TBC1D12: variants seen among roughly 807,000 people sequenced by gnomAD.
The protein encoded by TBC1D12 is TBC1 domain family member 12.
In TBC1D12, 56 loss-of-function variants were observed where a neutral mutation model predicts 86.7. The ratio of observed to expected loss-of-function variants is 0.65; its 90% CI spans 0.52 to 0.81. TBC1D12 has a LOEUF of 0.81. Ranked by LOEUF, TBC1D12 falls within the 30% of genes least tolerant of loss-of-function variation. TBC1D12 has a pLI of 0.00. For synonymous variants in TBC1D12, 421 were observed against 411.7 expected, an observed-to-expected ratio of 1.02 and a Z score of -0.27; for missense variants, 1,023 against 1,038.8, an observed-to-expected ratio of 0.98 and a Z score of 0.21.
At chr10:94,482,526 C>T (rs1046130992) in intron 3 of TBC1D12, among the ~76,000 whole-genome samples, 4 of 151,754 alleles carry the variant, frequency 2.6e-5, no homozygotes, top group Admixed American at 2.0e-4. Flanking sequence ...TCATGGCTTA[C>T]TGCGATCTCT....
intron 5 of TBC1D12, 39 bp downstream of exon 5, chr10:94,497,211 C>T (rs755139466): frequency 1.3e-4 from 151 of 1,199,118 alleles, no homozygotes; most frequent in Non-Finnish European, 1.6e-4. Flanking sequence ...CATTTGTCTC[C>T]GAAGATCTCA....
intron 3 of TBC1D12, among the ~76,000 whole-genome samples, chr10:94,486,026 C>T (rs2056155238): frequency 6.6e-6 from 1 of 150,802 alleles, no homozygotes; most frequent in Non-Finnish European, 1.5e-5. Context: ...CTAAAGGTTT[C>T]TCAATTTTGT....
intron 9 of TBC1D12, among the ~76,000 whole-genome samples, chr10:94,512,165 G>C (rs983639585): frequency 6.6e-6 from 1 of 152,030 alleles, no homozygotes; most frequent in Non-Finnish European, 1.5e-5. Context: ...CTGATTATTG[G>C]CTTCCTCCTC....
At chr10:94,481,084 A>G (rs535308790) in intron 3 of TBC1D12, among the ~76,000 whole-genome samples, 19 of 150,146 alleles carry the variant, frequency 1.3e-4, no homozygotes, top group Admixed American at 5.3e-4. Context: ...GGACTCATCA[A>G]TAGTCTTAAA....
intron 10 of TBC1D12, 44 bp downstream of exon 10, chr10:94,522,127 C>T (rs753298929): frequency 4.4e-6 from 7 of 1,589,048 alleles, no homozygotes; most frequent in Non-Finnish European, 6.0e-6. Context: ...AGTTTGAATG[C>T]CCTCTTAGAG....
intron 2 of TBC1D12, among the ~76,000 whole-genome samples, chr10:94,469,149 T>G (rs571625013): frequency 6.6e-6 from 1 of 152,318 alleles, no homozygotes; most frequent in East Asian, 1.9e-4. Flanking sequence ...CAAGTATTAT[T>G]CAGCCCTCAG....
At chr10:94,411,026 A>AT (rs1025755098) in intron 1 of TBC1D12, among the ~76,000 whole-genome samples, 5 of 151,644 alleles carry the variant, frequency 3.3e-5, no homozygotes, top group African/African-American at 4.8e-5. Context: ...AAAAAACAGA[A>AT]TTTTTTTTTC....
In TBC1D12 at chr10:94,402,996, C is replaced by G. The variant is rs746902186; in HGVS notation, c.383C>G (p.Pro128Arg). 2 of 1,575,484 alleles carry G rather than the reference C, an allele frequency of 1.3e-6. No individual in the cohort carries two copies. Among genetic ancestry groups the G allele is most frequent in the Non-Finnish European group, 1.7e-6 (2 of 1,165,274 alleles). ...RGAEVADGRA[P>R]RHEGMTNGDS... ...GCGGAGGTGGCTGATGGCCGCGCGC[C>G]GCGGCACGAAGGCATGACCAACGGC... is the stretch of plus-strand genomic sequence containing the variant. Residue 128 changes from proline to arginine, a missense_variant, in exon 1 of 13, where the codon CCG (proline) becomes CGG (arginine). Physicochemically the swap from Pro to Arg is moderately radical, Grantham distance 103 (BLOSUM62 -2). Around this residue, in one of 2 missense-constraint regions of TBC1D12, gnomAD observed 628 missense variants for 531.1 expected, o/e 1.18. Transcript: ENST00000225235.
intron 2 of TBC1D12, among the ~76,000 whole-genome samples, chr10:94,468,462 AATAG>A (rs1189165767): frequency 3.3e-5 from 5 of 152,186 alleles, no homozygotes; most frequent in African/African-American, 1.2e-4. Context: ...ATTCTAAGTT[AATAG>A]ATGTTCCCTC....
intron 7 of TBC1D12, 53 bp from the exon 8 acceptor site, chr10:94,510,038 G>A (rs2056507387): frequency 1.6e-6 from 2 of 1,261,860 alleles, no homozygotes; most frequent in African/African-American, 3.0e-5. Flanking sequence ...TTATAAAATT[G>A]GACTTGTTAG....
At chr10:94,532,780 G>C (rs909221059) in intron 12 of TBC1D12, among the ~76,000 whole-genome samples, 1 of 152,054 alleles carries the variant, frequency 6.6e-6, no homozygotes, top group Non-Finnish European at 1.5e-5. Flanking sequence ...TAAATTCACA[G>C]TCTTATTGGT....
chr10:94,428,925 G>C (rs1437198386), intron 1 of TBC1D12, among the ~76,000 whole-genome samples: 2 of 152,078 alleles, frequency 1.3e-5, no homozygotes, highest in Middle Eastern at 3.4e-3. Flanking sequence ...GACTGGTCTT[G>C]AACTCCTAGA....
intron 1 of TBC1D12, among the ~76,000 whole-genome samples, chr10:94,437,991 CTTTTTTTTTTTTTTTT>C (rs60477158): frequency 7.0e-4 from 21 of 30,036 alleles, no homozygotes; most frequent in African/African-American, 2.8e-3. Context: ...TCTCCTGGAG[CTTTTTTTTTTTTTTTT>C]TTTTTTTTTT....
chr10:94,422,195 T>G (rs1322461911), intron 1 of TBC1D12, among the ~76,000 whole-genome samples: 2 of 147,638 alleles, frequency 1.4e-5, no homozygotes, highest in Admixed American at 1.4e-4. Flanking sequence ...GTTTTTTTTT[T>G]TTTTTTTTTT....
intron 6 of TBC1D12, among the ~76,000 whole-genome samples, chr10:94,504,655 T>C (rs1346371104): frequency 1.3e-5 from 2 of 152,206 alleles, no homozygotes; most frequent in South Asian, 2.1e-4. Context: ...CACCATAATA[T>C]ATTAGGTTTG....
chr10:94,515,418 G>A lies in TBC1D12; in HGVS notation c.1761+3764G>A, dbSNP rs183808922. On this transcript the variant is annotated intron_variant, in intron 9 of 12. Coordinates refer to ENST00000225235, the MANE Select transcript of TBC1D12 (RefSeq NM_015188.2). ...GCTGGAGTGCAATGGCATGATCTTG[G>A]CTCACTGCACCCTCCACCTTCTGGG... Among the ~76,000 whole-genome samples the A allele has an allele frequency of 4.4e-4, 66 of 151,514 alleles. 1 individual carries two copies. The highest frequency in any genetic ancestry group is 4.3e-3 in the Admixed American group (66 of 15,206).
intron 6 of TBC1D12, among the ~76,000 whole-genome samples, chr10:94,505,220 A>T (rs560834562): frequency 2.0e-5 from 3 of 152,294 alleles, no homozygotes; most frequent in South Asian, 4.1e-4. Flanking sequence ...CCAAATAATT[A>T]TATGTATAAA....
intron 1 of TBC1D12, among the ~76,000 whole-genome samples, chr10:94,405,995 G>T (rs1030201873): frequency 5.9e-5 from 9 of 151,994 alleles, no homozygotes; most frequent in Non-Finnish European, 1.3e-4. Context: ...ATTTTTGGTA[G>T]AGACCAGGTT....
chr10:94,415,268 G>A (rs1417425995), intron 1 of TBC1D12, among the ~76,000 whole-genome samples: 4 of 152,186 alleles, frequency 2.6e-5, no homozygotes, highest in South Asian at 4.1e-4. Flanking sequence ...TAACATTTAA[G>A]TTGCTTTTTT....
Sources: allele counts gnomAD v4.1 joint callset (sites outside exome capture counted in the v4.1 genomes callset), GRCh38; gene constraint gnomAD v4.1.1; regional missense constraint gnomAD v4.1.1; transcripts MANE v1.5; gene names NCBI Gene and HGNC (gene_info 2026-07-23, HGNC 2026-07-21).